The following SERAC1 variants were observed in gnomAD, a reference collection of about 807,000 sequenced individuals.
SERAC1 encodes protein SERAC1.
In SERAC1, 36 loss-of-function variants were observed where a neutral mutation model predicts 85.7. The observed-to-expected ratio is 0.42, with a 90% CI of 0.32 to 0.55. SERAC1 has a LOEUF of 0.55. SERAC1 is among the 20% of genes least tolerant of loss of function. SERAC1 has a pLI of 0.11. For missense variants in SERAC1, 629 were observed against 796.2 expected, an observed-to-expected ratio of 0.79 and a Z score of 2.53; for synonymous variants, 242 against 265.3, an observed-to-expected ratio of 0.91 and a Z score of 0.85.
chr6:158,141,091 CA>C (rs1464473697), intron 8 of SERAC1, among the ~76,000 whole-genome samples: 2 of 152,188 alleles, frequency 1.3e-5, no homozygotes, highest in Non-Finnish European at 1.5e-5. Flanking sequence ...CATAGCCATA[CA>C]ATGGACTATT....
chr6:158,121,571 CTT>C (rs770966014), intron 10 of SERAC1, among the ~76,000 whole-genome samples: 6 of 151,748 alleles, frequency 4.0e-5, no homozygotes, highest in Non-Finnish European at 8.8e-5. Flanking sequence ...TTCTCCCACT[CTT>C]TACGACAAAA....
chr6:158,138,172 C>T (rs1235962142), intron 8 of SERAC1, among the ~76,000 whole-genome samples: 1 of 152,172 alleles, frequency 6.6e-6, no homozygotes, highest in Non-Finnish European at 1.5e-5. Flanking sequence ...GTGGCTCACG[C>T]CTGTAATCCC....
chr6:158,154,040 G>T (rs1040585663), intron 3 of SERAC1, among the ~76,000 whole-genome samples: 4 of 150,816 alleles, frequency 2.7e-5, no homozygotes, highest in Admixed American at 1.3e-4. Context: ...ACACACCTGT[G>T]ATCCAGCTAT....
chr6:158,140,889 G>A (rs1784900103), intron 8 of SERAC1, among the ~76,000 whole-genome samples: 1 of 152,108 alleles, frequency 6.6e-6, no homozygotes, highest in Admixed American at 6.6e-5. Context: ...GAGAAAGTAG[G>A]AAAAATGCTT....
Position 158,128,239 on chromosome 6 carries a change from T to A in SERAC1, c.884A>T (p.Asn295Ile), listed in dbSNP as rs1443677629. 1 of 1,614,064 alleles carries A rather than the reference T, an allele frequency of 6.2e-7. No homozygotes were observed. Among genetic ancestry groups the A allele is most frequent in the Admixed American group, 1.7e-5 (1 of 60,010 alleles). The part of the protein sequence containing the change: ...ISTHCDKIEA[N>I]GGLQLLQRLY... ...CCTCTGAAGTAGCTGCAGGCCTCCATTTGCTTCGATTTTATCACAATGTGT... is the reference window on the plus strand; with the variant it reads ...CCTCTGAAGTAGCTGCAGGCCTCCAATTGCTTCGATTTTATCACAATGTGT... Residue 295 changes from asparagine (N) to isoleucine (I), a missense_variant, in exon 10 of 17, where the codon AAT becomes ATT. Asn to Ile is a moderately radical substitution (Grantham distance 149, BLOSUM62 -3). Coordinates refer to ENST00000647468, the MANE Select transcript of SERAC1 (RefSeq NM_032861.4).
At chr6:158,145,351 C>G (rs1177386851) in intron 6 of SERAC1, 1 of 152,054 alleles carries the variant, frequency 6.6e-6, no homozygotes, top group Non-Finnish European at 1.5e-5. Context: ...TACAATAAGT[C>G]TGGAATGGAG....
intron 10 of SERAC1, 25 bp downstream of exon 10, chr6:158,128,083 A>T: frequency 6.2e-7 from 1 of 1,602,356 alleles, no homozygotes; most frequent in Non-Finnish European, 8.5e-7. Context: ...CAAAGTAAAA[A>T]ATACTCAGTA....
chr6:158,161,616 T>C (rs978163473), intron 1 of SERAC1: 3 of 152,004 alleles, frequency 2.0e-5, no homozygotes, highest in African/African-American at 4.8e-5. Context: ...ACAAACAACT[T>C]GTATTAGTAA....
Position 158,120,638 on chromosome 6 carries a change from G to A in SERAC1, c.1016-63C>T, listed in dbSNP as rs2128412538. 1 of 1,548,740 alleles carries A rather than the reference G, an allele frequency of 6.5e-7. No homozygotes were observed. ...ATCCATCGCAGACCACAGAGAGAGT[G>A]AGGTTTCAAACTGAATATGATGGGA... On this transcript the variant is annotated intron_variant, in intron 10 of 16. Transcript: ENST00000647468. This position sits in a 1 kb window ranked among gnomAD's most constrained non-coding sequence, Gnocchi z 4.4.
intron 9 of SERAC1, among the ~76,000 whole-genome samples, chr6:158,129,973 G>A (rs545180054): frequency 6.6e-6 from 1 of 152,246 alleles, no homozygotes; most frequent in South Asian, 2.1e-4. Flanking sequence ...TGGGATTACA[G>A]GCGTGAGCCA....
At chr6:158,115,407 A>C (rs1784261793) in intron 14 of SERAC1, among the ~76,000 whole-genome samples, 1 of 152,188 alleles carries the variant, frequency 6.6e-6, no homozygotes, top group Non-Finnish European at 1.5e-5. Context: ...CTTTCATGGG[A>C]ACTGTTCCTC....
At chr6:158,149,466 C>A (rs527838201) in intron 4 of SERAC1, among the ~76,000 whole-genome samples, 1 of 152,256 alleles carries the variant, frequency 6.6e-6, no homozygotes, top group South Asian at 2.1e-4. Context: ...GATTGCTCTC[C>A]AAGTCAGGGA....
At chr6:158,135,862 T>G (rs955372143) in intron 8 of SERAC1, among the ~76,000 whole-genome samples, 7 of 152,054 alleles carry the variant, frequency 4.6e-5, no homozygotes, top group Non-Finnish European at 1.0e-4. Flanking sequence ...CAGGCTGGAG[T>G]GCAGTGGTGC....
intron 10 of SERAC1, among the ~76,000 whole-genome samples, chr6:158,123,596 T>C (rs540378170): frequency 3.3e-5 from 5 of 152,298 alleles, no homozygotes; most frequent in African/African-American, 4.8e-5. Context: ...CTGAGCAATA[T>C]TGAAGGTTCT....
At chr6:158,118,090 GT>G (rs1784334717) in intron 12 of SERAC1, among the ~76,000 whole-genome samples, 1 of 152,198 alleles carries the variant, frequency 6.6e-6, no homozygotes, top group Non-Finnish European at 1.5e-5. Context: ...AGCAAGGCCT[GT>G]TTTAAAGTCT....
At chr6:158,152,827 G>C (rs1333116818) in intron 3 of SERAC1, 2 of 152,222 alleles carry the variant, frequency 1.3e-5, no homozygotes, top group Non-Finnish European at 2.9e-5. Flanking sequence ...TACAGCCTAG[G>C]TGTGGAGTAG....
At chr6:158,166,700 C>T (rs972217451) in intron 1 of SERAC1, among the ~76,000 whole-genome samples, 1 of 152,164 alleles carries the variant, frequency 6.6e-6, no homozygotes, top group Non-Finnish European at 1.5e-5. Flanking sequence ...AAGGACTACA[C>T]AGCTTTAGGT....
chr6:158,164,547 G>A (rs1217892725), intron 1 of SERAC1, among the ~76,000 whole-genome samples: 2 of 152,046 alleles, frequency 1.3e-5, no homozygotes, highest in Non-Finnish European at 2.9e-5. Context: ...AGAGAACGGA[G>A]AAATTTTGAG....
intron 16 of SERAC1, 97 bp downstream of exon 16, chr6:158,113,352 T>C: frequency 1.0e-6 from 1 of 989,204 alleles, no homozygotes; most frequent in Non-Finnish European, 1.5e-6. Context: ...AACTATCTCT[T>C]AAAACTGAGA....
Sources: allele counts gnomAD v4.1 joint callset (sites outside exome capture counted in the v4.1 genomes callset), GRCh38; gene constraint gnomAD v4.1.1; non-coding constraint Gnocchi (gnomAD v3.1); transcripts MANE v1.5; gene names NCBI Gene and HGNC (gene_info 2026-07-23, HGNC 2026-07-21).